The following CAMKMT variants were observed in gnomAD, a reference collection of about 807,000 sequenced individuals.
The protein encoded by CAMKMT is calmodulin-lysine N-methyltransferase.
CAMKMT carries 53 observed loss-of-function variants against 48.0 expected under a neutral mutation model. The ratio of observed to expected loss-of-function variants is 1.10; its 90% confidence interval spans 0.89 to 1.39. CAMKMT has a LOEUF of 1.39. CAMKMT is among the 40% of genes most tolerant of loss of function. The pLI, the probability that CAMKMT is intolerant of heterozygous loss-of-function variation, is 0.00. For synonymous variants in CAMKMT, 165 were observed against 152.3 expected (o/e 1.08, Z -0.61); for missense variants, 428 against 402.7 (o/e 1.06, Z -0.54).
chr2:44,436,852 A>G (rs1373824067), intron 3 of CAMKMT, among the ~76,000 whole-genome samples: 2 of 152,154 alleles, frequency 1.3e-5, no homozygotes, highest in African/African-American at 4.8e-5. Flanking sequence ...CAAGTATTAC[A>G]TCTTAGATTT....
intron 3 of CAMKMT, among the ~76,000 whole-genome samples, chr2:44,669,524 A>G (rs1394015509): frequency 1.3e-5 from 2 of 152,258 alleles, no homozygotes; most frequent in South Asian, 2.1e-4. Flanking sequence ...TACTAATATA[A>G]GCACTGGATG....
At chr2:44,551,704 C>T (rs78596934) in intron 3 of CAMKMT, among the ~76,000 whole-genome samples, 11 of 152,278 alleles carry the variant, frequency 7.2e-5, no homozygotes, top group Non-Finnish European at 1.5e-4. Context: ...GATGAATTTG[C>T]TCTGAAGAAT....
chr2:44,537,826 G>A lies in CAMKMT; in HGVS notation c.376+147521G>A, dbSNP rs574357910. On this transcript the variant is annotated intron_variant, in intron 3 of 10. Transcript: ENST00000378494. ...GATTCTCCTGCCTTGGTCTCCCAAA[G>A]TGTTGGGATCACAGGCGTGAACCAC... 5.3e-5 allele frequency among the ~76,000 whole-genome samples: 8 copies of A among 152,316 alleles called. No individual in the cohort carries two copies. The East Asian group carries it at 1.2e-3, about 22-fold the overall frequency.
At chr2:44,509,722 G>A (rs558052525) in intron 3 of CAMKMT, among the ~76,000 whole-genome samples, 12 of 152,282 alleles carry the variant, frequency 7.9e-5, no homozygotes, top group Non-Finnish European at 1.3e-4. Context: ...TGCAGGACTC[G>A]GTAATTCTCA....
At chr2:44,538,561 G>A (rs1343454952) in intron 3 of CAMKMT, among the ~76,000 whole-genome samples, 1 of 151,980 alleles carries the variant, frequency 6.6e-6, no homozygotes, top group Admixed American at 6.6e-5. Flanking sequence ...TTATAAGTGG[G>A]AACTAAACTA....
intron 3 of CAMKMT, among the ~76,000 whole-genome samples, chr2:44,465,133 T>G (rs1234746387): frequency 6.6e-6 from 1 of 152,098 alleles, no homozygotes; most frequent in Admixed American, 6.6e-5. Context: ...ACTGGTAACA[T>G]AGAGGGAAGA....
intron 6 of CAMKMT, among the ~76,000 whole-genome samples, chr2:44,711,640 G>C (rs572103888): frequency 5.3e-5 from 8 of 152,102 alleles, no homozygotes; most frequent in Non-Finnish European, 1.2e-4. Context: ...TAAGCAGCAG[G>C]AAAAGAAAAT....
At chr2:44,712,723 G>T (rs1312053163) in intron 6 of CAMKMT, among the ~76,000 whole-genome samples, 1 of 152,168 alleles carries the variant, frequency 6.6e-6, no homozygotes, top group Non-Finnish European at 1.5e-5. Context: ...TCCAGAAGGT[G>T]GGTGCGGTTC....
intron 7 of CAMKMT, 83 bp downstream of exon 7, chr2:44,715,436 C>A: frequency 9.8e-7 from 1 of 1,019,700 alleles, no homozygotes; most frequent in Non-Finnish European, 1.5e-6. Context: ...ATAATAATAG[C>A]TAACATTTAT....
intron 3 of CAMKMT, among the ~76,000 whole-genome samples, chr2:44,700,461 T>A (rs343985): frequency 0.14 from 21,574 of 152,188 alleles, 1,622 homozygotes; most frequent in South Asian, 0.18. Flanking sequence ...TTCTAGCTTT[T>A]GATTTAAAGT....
chr2:44,544,210 C>T (rs1322795440), intron 3 of CAMKMT, among the ~76,000 whole-genome samples: 1 of 151,998 alleles, frequency 6.6e-6, no homozygotes, highest in Admixed American at 6.6e-5. Flanking sequence ...TTTCCTGTGT[C>T]AATGATTATT....
intron 3 of CAMKMT, among the ~76,000 whole-genome samples, chr2:44,636,143 T>G (rs984740257): frequency 1.3e-5 from 2 of 152,184 alleles, no homozygotes; most frequent in Admixed American, 1.3e-4. Flanking sequence ...ATCCATATTA[T>G]ACCTGGAAGT....
At chr2:44,542,436 C>T (rs1667165784) in intron 3 of CAMKMT, among the ~76,000 whole-genome samples, 1 of 151,408 alleles carries the variant, frequency 6.6e-6, no homozygotes, top group African/African-American at 2.4e-5. Flanking sequence ...AAGATGCTGA[C>T]AGCAAAGACC....
At position 44,657,184 on chromosome 2, in the gene CAMKMT, C is replaced by T. The variant is rs571613304; in HGVS notation, c.377-47099C>T. Among the ~76,000 whole-genome samples the T allele has an allele frequency of 2.6e-3, 393 of 152,254 alleles. 2 individuals carry two copies. Among genetic ancestry groups the T allele is most frequent in the African/African-American group, 9.0e-3 (372 of 41,542 alleles). On this transcript the variant is annotated intron_variant, in intron 3 of 10. Transcript: ENST00000378494. This position sits in a 1 kb window ranked among gnomAD's most constrained non-coding sequence, Gnocchi z 4.3. ...TATGAGAGCCATATGAAGGCCATCCCGTGGAGAGGTCAGGACCTCTCAGAG... is the reference window on the plus strand; with the variant it reads ...TATGAGAGCCATATGAAGGCCATCCTGTGGAGAGGTCAGGACCTCTCAGAG...
intron 3 of CAMKMT, among the ~76,000 whole-genome samples, chr2:44,633,463 C>T (rs1216464756): frequency 6.6e-6 from 1 of 151,926 alleles, no homozygotes; most frequent in Non-Finnish European, 1.5e-5. Flanking sequence ...GTTTTTTACC[C>T]CTTTCTCTTT....
At chr2:44,474,898 TG>T (rs1668608012) in intron 3 of CAMKMT, among the ~76,000 whole-genome samples, 1 of 152,222 alleles carries the variant, frequency 6.6e-6, no homozygotes, top group African/African-American at 2.4e-5. Flanking sequence ...CTTTATTCAG[TG>T]CCTGGTATGT....
chr2:44,695,177 CTTTTA>C (rs1165579100), intron 3 of CAMKMT, among the ~76,000 whole-genome samples: 4 of 151,990 alleles, frequency 2.6e-5, no homozygotes, highest in Admixed American at 6.6e-5. Flanking sequence ...TTTTTTTAAA[CTTTTA>C]TTTTAAGTTC....
chr2:44,729,431 A>C (rs1386364257), intron 7 of CAMKMT, among the ~76,000 whole-genome samples: 1 of 152,210 alleles, frequency 6.6e-6, no homozygotes, highest in Non-Finnish European at 1.5e-5. Context: ...CTGGAGAGCA[A>C]GGTTGATGGC....
At chr2:44,663,476 A>G (rs746417896) in intron 3 of CAMKMT, among the ~76,000 whole-genome samples, 1 of 152,344 alleles carries the variant, frequency 6.6e-6, no homozygotes, top group African/African-American at 2.4e-5. Flanking sequence ...CTTGTTTAGT[A>G]TCTTAACTAT....
Sources: allele counts gnomAD v4.1 joint callset (sites outside exome capture counted in the v4.1 genomes callset), GRCh38; gene constraint gnomAD v4.1.1; non-coding constraint Gnocchi (gnomAD v3.1); transcripts MANE v1.5; gene names NCBI Gene and HGNC (gene_info 2026-07-23, HGNC 2026-07-21).